The following TPD52 variants were observed in gnomAD, a reference collection of about 807,000 sequenced individuals.
TPD52 encodes the protein tumor protein D52.
TPD52 carries 17 observed loss-of-function variants against 31.3 expected under a neutral mutation model. The observed-to-expected ratio is 0.54, with a 90% CI of 0.37 to 0.82. The LOEUF is 0.82. Among genes scored for constraint, TPD52 ranks in the 40% least tolerant of loss-of-function variants. The pLI is 0.00. For synonymous variants in TPD52, 83 were observed against 89.6 expected, an observed-to-expected ratio of 0.93 and a Z score of 0.42; for missense variants, 212 against 240.1, an observed-to-expected ratio of 0.88 and a Z score of 0.77.
intron 1 of TPD52, among the ~76,000 whole-genome samples, chr8:80,105,346 G>A (rs995284662): frequency 1.1e-4 from 17 of 152,116 alleles, no homozygotes; most frequent in South Asian, 1.0e-3. Context: ...TGACCTAATC[G>A]GTTATGTTAT....
At chr8:80,135,048 G>A (rs1383063815) in intron 1 of TPD52, among the ~76,000 whole-genome samples, 4 of 152,174 alleles carry the variant, frequency 2.6e-5, no homozygotes, top group East Asian at 3.9e-4. Context: ...ACGTACGCAA[G>A]TGCAGATGCT....
chr8:80,105,727 T>C (rs1047218742), intron 1 of TPD52, among the ~76,000 whole-genome samples: 2 of 128,262 alleles, frequency 1.6e-5, no homozygotes. Context: ...ATCCCAGGTC[T>C]GCTTTTTTTT....
chr8:80,093,097 A>G (rs1051280269), intron 1 of TPD52, among the ~76,000 whole-genome samples: 2 of 152,160 alleles, frequency 1.3e-5, no homozygotes, highest in African/African-American at 4.8e-5. Context: ...GCAAGTTCAG[A>G]TAGGACAAAA....
At chr8:80,132,048 A>G (rs993134558) in intron 1 of TPD52, among the ~76,000 whole-genome samples, 11 of 147,240 alleles carry the variant, frequency 7.5e-5, no homozygotes, top group African/African-American at 2.8e-4. Context: ...TTTTTTTTGG[A>G]GACAGGGTCT....
chr8:80,064,689 G>T, intron 1 of TPD52, 96 bp from the exon 2 acceptor site: 1 of 849,006 alleles, frequency 1.2e-6, no homozygotes, highest in East Asian at 2.4e-5. Context: ...AAGCCAATTA[G>T]AGTAGATCCA....
rs909777701 is a variant in TPD52 at position 80,045,030 on chromosome 8, T to C, written c.414-822A>G. On this transcript the variant is annotated intron_variant, in intron 5 of 7. Transcript: ENST00000518937. ...CTGATAACATGGAGAATGATTGTGA[T>C]ATATGTCAAATATGCTGGCAATCTG... 1.2e-4 allele frequency among the ~76,000 whole-genome samples: 18 copies of C among 152,364 alleles called. No homozygotes were observed. In the East Asian group the frequency reaches 3.5e-3, roughly 29 times the overall value.
At chr8:80,152,520 C>T (rs552716416) in intron 1 of TPD52, among the ~76,000 whole-genome samples, 1 of 152,234 alleles carries the variant, frequency 6.6e-6, no homozygotes, top group South Asian at 2.1e-4. Flanking sequence ...GTGGCTCATG[C>T]CTGTAATCCT....
At chr8:80,159,464 T>C (rs1327239174) in intron 1 of TPD52, among the ~76,000 whole-genome samples, 5 of 152,146 alleles carry the variant, frequency 3.3e-5, no homozygotes, top group African/African-American at 2.4e-5. Context: ...CTGCAACTTT[T>C]ATGTAGTATA....
At chr8:80,038,651 T>C (rs1053290255) in intron 7 of TPD52, among the ~76,000 whole-genome samples, 7 of 152,136 alleles carry the variant, frequency 4.6e-5, no homozygotes, top group African/African-American at 1.7e-4. Context: ...GAAAGAAATA[T>C]ATGTTTTTTT....
chr8:80,117,274 A>G (rs1215945754), intron 1 of TPD52, among the ~76,000 whole-genome samples: 1 of 152,156 alleles, frequency 6.6e-6, no homozygotes, highest in Non-Finnish European at 1.5e-5. Flanking sequence ...AACTATTAGA[A>G]CTCATAAATG....
At chr8:80,089,770 C>G (rs1307079174) in intron 1 of TPD52, among the ~76,000 whole-genome samples, 1 of 152,198 alleles carries the variant, frequency 6.6e-6, no homozygotes, top group African/African-American at 2.4e-5. Flanking sequence ...CTACCCTTAT[C>G]TTACAACAAA....
Position 80,036,586 on chromosome 8 carries a change from A to G in TPD52, c.*1530T>C, listed in dbSNP as rs1200029529. ...GGTCTCATAATAAATATTGAGACCT[A>G]TACTACTGATAGATGGAATTTATTA... On this transcript the variant is annotated 3_prime_UTR_variant, in exon 8 of 8. Transcript: ENST00000518937. The G allele has an allele frequency of 6.6e-6, 1 of 152,640 alleles. No individual in the cohort carries two copies. Among genetic ancestry groups the G allele is most frequent in the Non-Finnish European group, 1.5e-5 (1 of 68,034 alleles). 9.5% of individuals were successfully genotyped at this position (152,640 alleles called of 1,614,324 possible).
At chr8:80,059,161 A>G (rs758359213) in intron 2 of TPD52, among the ~76,000 whole-genome samples, 1 of 152,324 alleles carries the variant, frequency 6.6e-6, no homozygotes, top group African/African-American at 2.4e-5. Context: ...GGAAAACCAG[A>G]AAATTCACAA....
intron 4 of TPD52, chr8:80,051,156 G>C: frequency 4.1e-6 from 1 of 241,552 alleles, no homozygotes; most frequent in East Asian, 1.1e-4. Context: ...AGCCAAATCT[G>C]AATCGAAGCG....
At chr8:80,124,396 C>T (rs1808463482) in intron 1 of TPD52, among the ~76,000 whole-genome samples, 1 of 152,072 alleles carries the variant, frequency 6.6e-6, no homozygotes, top group African/African-American at 2.4e-5. Context: ...TAGTCTCGAA[C>T]TCCTGGGCTC....
Position 80,160,394 on chromosome 8 carries a change from GATA to G in TPD52, c.19+11028_19+11030del, listed in dbSNP as rs149082561. On this transcript the variant is annotated intron_variant, in intron 1 of 7. Transcript: ENST00000518937. ...CTGCAGCACTGAAAGACTGAAACAA[GATA>G]ATATGTAGAAAATTAGTAAGAGTTC... 4.0e-3 allele frequency among the ~76,000 whole-genome samples: 610 copies of G among 152,228 alleles called. 5 individuals carry two copies. Among genetic ancestry groups the G allele is most frequent in the African/African-American group, 0.014 (575 of 41,522 alleles).
intron 1 of TPD52, among the ~76,000 whole-genome samples, chr8:80,077,528 A>C (rs576904788): frequency 6.6e-6 from 1 of 152,304 alleles, no homozygotes; most frequent in South Asian, 2.1e-4. Context: ...TTGAATAGTT[A>C]ATCTGTTCTA....
chr8:80,154,748 C>CAA (rs1187507600), intron 1 of TPD52, among the ~76,000 whole-genome samples: 11 of 62,140 alleles, frequency 1.8e-4, no homozygotes, highest in African/African-American at 8.1e-4. Context: ...CACACACACA[C>CAA]ACACAAAACA....
intron 1 of TPD52, among the ~76,000 whole-genome samples, chr8:80,100,404 A>C (rs1806646935): frequency 6.6e-6 from 1 of 152,236 alleles, no homozygotes. Flanking sequence ...AGACAAAGAG[A>C]AGCAAAAAGG....
Sources: gnomAD v4.1 joint callset for allele counts (sites outside exome capture counted in the v4.1 genomes callset) on GRCh38, gnomAD v4.1.1 for gene constraint, MANE v1.5 for transcripts, NCBI Gene and HGNC (gene_info 2026-07-23, HGNC 2026-07-21) for gene names.